UBAP2: variants seen among roughly 807,000 people sequenced by gnomAD.
The protein encoded by UBAP2 is ubiquitin-associated protein 2.
In UBAP2, 75 loss-of-function variants were observed where a neutral mutation model predicts 139.6. The ratio of observed to expected loss-of-function variants is 0.54; its 90% confidence interval spans 0.45 to 0.65. The LOEUF is 0.65. Among genes scored for constraint, UBAP2 ranks in the 30% least tolerant of loss-of-function variants. The probability of loss-of-function intolerance (pLI) is 0.00; values close to 1 mark genes in which losing one functional copy is unlikely to be tolerated. For missense variants in UBAP2, 1,368 were observed against 1,369.6 expected (o/e 1.00, Z 0.02); for synonymous variants, 526 against 526.2 (o/e 1.00, Z 0.01).
intron 19 of UBAP2, among the ~76,000 whole-genome samples, chr9:33,932,106 A>C (rs966821427): frequency 6.6e-6 from 1 of 152,144 alleles, no homozygotes; most frequent in African/African-American, 2.4e-5. Flanking sequence ...ACTCTTTGGC[A>C]TATGAGGAAA....
Position 33,927,086 on chromosome 9 carries a change from T to G in UBAP2, c.2372-6A>C. 1 of 1,604,762 alleles carries G rather than the reference T, an allele frequency of 6.2e-7. No individual in the cohort carries two copies. Among genetic ancestry groups the G allele is most frequent in the South Asian group, 1.1e-5 (1 of 89,924 alleles). On this transcript the variant is annotated splice_polypyrimidine_tract_variant and splice_region_variant and intron_variant, in intron 20 of 28. Transcript: ENST00000379238. Reference sequence around the variant, plus strand: ...TAAGTTTGGGGGTGCTTTGCCTGTATAGAGGGAAAAATCAAATGGAGTGAA... The same window carrying G: ...TAAGTTTGGGGGTGCTTTGCCTGTAGAGAGGGAAAAATCAAATGGAGTGAA...
chr9:34,032,189 T>C (rs929581183), intron 1 of UBAP2, among the ~76,000 whole-genome samples: 5 of 152,162 alleles, frequency 3.3e-5, no homozygotes, highest in Non-Finnish European at 7.3e-5. Context: ...CCATGTCAAA[T>C]TCTATCCCTA....
Position 33,922,817 on chromosome 9 carries a change from A to AAGACCG in UBAP2, c.3128_3133dup (p.Ser1043_Val1044dup), listed in dbSNP as rs747553647. On this transcript the variant is annotated inframe_insertion, in exon 28 of 29. Transcript: ENST00000379238. ...CGAGGCCAGGGGCCCAGTGGAGCCC[A>AAGACCG]AGACCGAGGGCAGGCTGAAAGGTGG... 2.2e-5 allele frequency: 35 copies of AAGACCG among 1,572,680 alleles called. No individual in the cohort carries two copies. Among genetic ancestry groups the AAGACCG allele is most frequent in the Non-Finnish European group, 2.9e-5 (34 of 1,158,056 alleles).
chr9:33,932,162 G>A (rs1385607763), intron 19 of UBAP2, among the ~76,000 whole-genome samples: 1 of 152,112 alleles, frequency 6.6e-6, no homozygotes, highest in Non-Finnish European at 1.5e-5. Context: ...TGGCTTCTCG[G>A]CAGTGCATGT....
chr9:34,018,321 A>G (rs1000038323), intron 1 of UBAP2, among the ~76,000 whole-genome samples: 3 of 151,730 alleles, frequency 2.0e-5, no homozygotes, highest in East Asian at 1.9e-4. Flanking sequence ...CTGTAACACT[A>G]TAATTGTTTT....
chr9:33,967,581 T>C (rs745382512), intron 8 of UBAP2, among the ~76,000 whole-genome samples: 5 of 152,228 alleles, frequency 3.3e-5, no homozygotes, highest in Non-Finnish European at 5.9e-5. Flanking sequence ...CAGTCATACA[T>C]ACGTATCTGA....
chr9:33,931,912 C>T (rs1824016891), intron 19 of UBAP2, among the ~76,000 whole-genome samples: 1 of 152,102 alleles, frequency 6.6e-6, no homozygotes, highest in African/African-American at 2.4e-5. Context: ...TCTATCCTCC[C>T]AATAGAGGCT....
rs1049906209 is a variant in UBAP2 at position 33,923,561 on chromosome 9, G to GCAGGTGACAT, written c.2797-93_2797-84dup. 3 of 1,365,378 alleles carry GCAGGTGACAT rather than the reference G, an allele frequency of 2.2e-6. No individual in the cohort carries two copies. In the African/African-American group the frequency reaches 4.3e-5, roughly 19 times the overall value. 84.6% of individuals were successfully genotyped at this position (1,365,378 alleles called of 1,614,324 possible). On this transcript the variant is annotated intron_variant, in intron 24 of 28. Transcript: ENST00000379238. ...GGTACCCCTGCCAGAGCCTAAGGCA[G>GCAGGTGACAT]CAGGTGACATACCCACAACCACAGG... is the stretch of plus-strand genomic sequence containing the variant.
intron 10 of UBAP2, 116 bp from the exon 11 acceptor site, chr9:33,956,262 C>A: frequency 4.9e-6 from 3 of 614,868 alleles, no homozygotes; most frequent in South Asian, 2.4e-5. Flanking sequence ...AACAGCTATT[C>A]TAAAGAAAAT....
intron 6 of UBAP2, among the ~76,000 whole-genome samples, chr9:33,979,098 T>C (rs1281017251): frequency 6.6e-6 from 1 of 151,826 alleles, no homozygotes; most frequent in Non-Finnish European, 1.5e-5. Context: ...AGCTGGGCAT[T>C]GTGATGTGCA....
chr9:34,027,775 G>A (rs1331735419), intron 1 of UBAP2, among the ~76,000 whole-genome samples: 1 of 151,332 alleles, frequency 6.6e-6, no homozygotes, highest in Non-Finnish European at 1.5e-5. Context: ...GCAGGAGAAT[G>A]GTGTGAACCT....
At chr9:33,968,161 A>C (rs1827611611) in intron 8 of UBAP2, 2 of 595,578 alleles carry the variant, frequency 3.4e-6, no homozygotes, top group East Asian at 4.1e-5. Context: ...CAATGAATAG[A>C]AGAAGAAATC....
chr9:33,985,437 G>A (rs1433815623), intron 6 of UBAP2, among the ~76,000 whole-genome samples: 1 of 152,156 alleles, frequency 6.6e-6, no homozygotes, highest in Non-Finnish European at 1.5e-5. Context: ...ATCAACAGAT[G>A]AATGGATTTT....
chr9:33,930,186 G>A (rs964929318), intron 19 of UBAP2, among the ~76,000 whole-genome samples: 1 of 152,154 alleles, frequency 6.6e-6, no homozygotes, highest in African/African-American at 2.4e-5. Context: ...TTTTGAGGAT[G>A]CCATGGTGTA....
In UBAP2 at chr9:33,932,532, G is replaced by A. The variant is rs370600030; in HGVS notation, c.2175+30C>T. On this transcript the variant is annotated intron_variant, in intron 19 of 28. Transcript: ENST00000379238. ...AAGCTCCAGGCTCCCCAAGCATGGC[G>A]GAGGAAGAGGAAGCCGCGCAGACAC... The A allele has an allele frequency of 3.9e-4, 628 of 1,612,714 alleles. 3 individuals carry two copies. The highest frequency in any genetic ancestry group is 5.0e-4 in the Admixed American group (30 of 59,930).
chr9:33,960,025 G>C (rs1291112608), intron 10 of UBAP2, among the ~76,000 whole-genome samples: 1 of 152,104 alleles, frequency 6.6e-6, no homozygotes, highest in Non-Finnish European at 1.5e-5. Flanking sequence ...GAACTCCTGG[G>C]CTCAAGAGAT....
intron 1 of UBAP2, among the ~76,000 whole-genome samples, chr9:34,025,503 G>T (rs1450147200): frequency 6.6e-6 from 1 of 152,176 alleles, no homozygotes; most frequent in Admixed American, 6.6e-5. Context: ...AATTAAAGAT[G>T]TGATAGATTT....
intron 1 of UBAP2, among the ~76,000 whole-genome samples, chr9:34,043,707 G>A (rs926490445): frequency 2.6e-5 from 4 of 151,420 alleles, no homozygotes; most frequent in South Asian, 2.1e-4. Flanking sequence ...TATTGCCCAC[G>A]CTGGTCTCGA....
chr9:33,948,239 C>CT, intron 13 of UBAP2, 135 bp downstream of exon 13: 1 of 698,400 alleles, frequency 1.4e-6, no homozygotes, highest in Non-Finnish European at 2.2e-6. Flanking sequence ...ACTGATTTAA[C>CT]TGAGAAACTG....
Sources: gnomAD v4.1 joint callset for allele counts (sites outside exome capture counted in the v4.1 genomes callset) on GRCh38, gnomAD v4.1.1 for gene constraint, MANE v1.5 for transcripts, NCBI Gene and HGNC (gene_info 2026-07-23, HGNC 2026-07-21) for gene names.